The following PRR36 variants were observed in gnomAD, a reference collection of about 807,000 sequenced individuals.
PRR36 encodes the protein proline-rich protein 36.
A neutral mutation model predicts 58.6 loss-of-function variants in PRR36; 30 were observed. That is an observed-to-expected ratio of 0.51 (90% CI 0.38 to 0.69). The LOEUF (loss-of-function observed/expected upper bound fraction) is 0.69. Ranked by LOEUF, PRR36 falls within the 30% of genes least tolerant of loss-of-function variation. The probability of loss-of-function intolerance (pLI) is 0.00; values close to 1 mark genes in which losing one functional copy is unlikely to be tolerated. For synonymous variants in PRR36, 771 were observed against 829.3 expected (o/e 0.93, Z 1.21); for missense variants, 1,692 against 1,805.6 (o/e 0.94, Z 1.14).
At position 7,868,811 on chromosome 19, in the gene PRR36, G is replaced by A. The variant is rs946379440; in HGVS notation, c.*222C>T. Reference sequence around the variant, plus strand: ...GGGGCGGGACTCGGGGAAACGGGGCGTGTCCTAGGCCAAAGGGGCGGAGCT... The same window carrying A: ...GGGGCGGGACTCGGGGAAACGGGGCATGTCCTAGGCCAAAGGGGCGGAGCT... On this transcript the variant is annotated 3_prime_UTR_variant, in exon 6 of 6. Transcript: ENST00000618550. The A allele has an allele frequency of 2.0e-6, 1 of 493,754 alleles. No individual in the cohort carries two copies. The allele number at this position is 493,754 out of a possible 1,614,324, so 30.6% of individuals were successfully genotyped here.
Position 7,872,796 on chromosome 19 carries a change from T to C in PRR36, c.488-40A>G. On this transcript the variant is annotated intron_variant, in intron 4 of 5. Transcript: ENST00000618550. The surrounding 1 kb of genome is among the most constrained non-coding windows in gnomAD (Gnocchi z 6.1). ...GAAGGCCAAGGGTCACCGATACCTC[T>C]GAGGCGGCTCCCCTTGCTGCCCAGG... The C allele has an allele frequency of 6.5e-7, 1 of 1,527,452 alleles. No individual in the cohort carries two copies. The highest frequency in any genetic ancestry group is 8.8e-7 in the Non-Finnish European group (1 of 1,142,580). 94.6% of individuals were successfully genotyped at this position (1,527,452 alleles called of 1,614,324 possible). A position where few individuals can be genotyped will look rare whatever the true frequency, so the allele number is the denominator to read the frequency against.
chr19:7,869,780 G>A lies in PRR36; in HGVS notation c.3464C>T (p.Ala1155Val), dbSNP rs755681054. 105 of 1,359,442 alleles carry A rather than the reference G, an allele frequency of 7.7e-5. No individual in the cohort carries two copies. The highest frequency in any genetic ancestry group is 9.6e-5 in the Non-Finnish European group (102 of 1,062,806). 84.2% of individuals were successfully genotyped at this position (1,359,442 alleles called of 1,614,324 possible). Residue 1155 changes from alanine to valine, a missense_variant, in exon 5 of 6, where the codon GCC becomes GTC. Physicochemically the swap from Ala to Val is moderately conservative, Grantham distance 64. Coordinates refer to ENST00000618550, the MANE Select transcript of PRR36 (RefSeq NM_001190467.2). ...ACTCCAGGCAGCCGGGTGGCAAGCG[G>A]CGAGCTCTGCGTCGGGGGGCGGGGA... The part of the protein sequence containing the change: ...AASPPPDAEL[A>V]ACHPAAWSRG...
Position 7,870,515 on chromosome 19 carries a change from GA to G in PRR36, c.2728del (p.Ser910ArgfsTer12). 1.8e-6 allele frequency: 1 copy of G among 563,144 alleles called. No individual in the cohort carries two copies. Among genetic ancestry groups the G allele is most frequent in the Non-Finnish European group, 2.1e-6 (1 of 480,174 alleles). The allele number at this position is 563,144 out of a possible 1,614,324, so 34.9% of individuals were successfully genotyped here. On this transcript the variant is annotated frameshift_variant, in exon 5 of 6. Transcript: ENST00000618550. LOFTEE classifies it high-confidence loss of function. ...SPPASPPVSP[S>X]ATPPSQAPPS... ...TGGGGCCTGTGAAGGGGGCGTGGCC[GA>G]AGGAGACACTGGGGGTGAGGCAGGG... is the stretch of plus-strand genomic sequence containing the variant.
chr19:7,871,241 A>C lies in PRR36; in HGVS notation c.2003T>G (p.Leu668Arg). Residue 668 changes from leucine (L) to arginine (R), a missense_variant, in exon 5 of 6, where the codon CTG (leucine) becomes CGG (arginine). Leu to Arg is a moderately radical substitution (Grantham distance 102). Transcript: ENST00000618550. ...APLSLPASPP[L>R]QTSLSPAVSP... ...GACAGCAGGAGAGAGAGAAGTCTGC[A>C]GAGGGGGTGAGGCAGGAAGGGAAAG... 1 of 1,499,468 alleles carries C rather than the reference A, an allele frequency of 6.7e-7. No individual in the cohort carries two copies. The highest frequency in any genetic ancestry group is 8.8e-7 in the Non-Finnish European group (1 of 1,131,358). The allele number at this position is 1,499,468 out of a possible 1,614,324, so 92.9% of individuals were successfully genotyped here.
rs916807724 is a variant in PRR36 at position 7,872,384 on chromosome 19, G to C, written c.860C>G (p.Pro287Arg). The C allele has an allele frequency of 1.4e-6, 2 of 1,451,116 alleles. No homozygotes were observed. Among genetic ancestry groups the C allele is most frequent in the Non-Finnish European group, 1.8e-6 (2 of 1,107,984 alleles). The allele number at this position is 1,451,116 out of a possible 1,614,324, so 89.9% of individuals were successfully genotyped here. A position where few individuals can be genotyped will look rare whatever the true frequency, so the allele number is the denominator to read the frequency against. ...LQALRPPQVT[P>R]PRKDAAPALG... is the part of the protein sequence containing the mutation. ...TGCTGGGGCTGCGTCCTTCCTTGGG[G>C]GTGTGACCTGAGGGGGTCGCAGAGC... Residue 287 changes from proline (P) to arginine (R), a missense_variant, in exon 5 of 6, where the codon CCC becomes CGC. Transcript: ENST00000618550. This position sits in a 1 kb window ranked among gnomAD's most constrained non-coding sequence, Gnocchi z 6.1.
At position 7,871,926 on chromosome 19, in the gene PRR36, T is replaced by C; in HGVS notation, c.1318A>G (p.Asn440Asp). Residue 440 changes from asparagine (N) to aspartate (D), a missense_variant, in exon 5 of 6, where the codon AAT (asparagine) becomes GAT (aspartate). Coordinates refer to ENST00000618550, the MANE Select transcript of PRR36 (RefSeq NM_001190467.2). ...PLQSMPPTQA[N>D]PALPSLPTLL... The stretch of plus-strand genomic sequence containing the variant: ...GTCGGAAGAGAGGGCAACGCTGGAT[T>C]AGCTTGGGTGGGGGGCATACTCTGC... The C allele has an allele frequency of 6.5e-7, 1 of 1,535,272 alleles. No individual in the cohort carries two copies. The highest frequency in any genetic ancestry group is 8.7e-7 in the Non-Finnish European group (1 of 1,146,684).
Position 7,871,066 on chromosome 19 carries a change from A to G in PRR36, c.2178T>C (p.Pro726=), listed in dbSNP as rs1292269257. 4.6e-6 allele frequency: 7 copies of G among 1,517,306 alleles called. No homozygotes were observed. The highest frequency in any genetic ancestry group is 6.1e-6 in the Non-Finnish European group (7 of 1,138,440). 94.0% of individuals were successfully genotyped at this position (1,517,306 alleles called of 1,614,324 possible). A position where few individuals can be genotyped will look rare whatever the true frequency, so the allele number is the denominator to read the frequency against. The part of the protein sequence containing the change: ...SLAPPSLQTP[P]ASLTTPPLEN... ...CCAGAGGGGGTGTGGTCAGGGAAGCAGGAGGTGTCTGCAGAGAGGGTGGGG... is the reference window on the plus strand; with the variant it reads ...CCAGAGGGGGTGTGGTCAGGGAAGCGGGAGGTGTCTGCAGAGAGGGTGGGG... Residue 726 remains proline, a synonymous_variant, in exon 5 of 6, where the codon CCT becomes CCC. Transcript: ENST00000618550.
At position 7,873,055 on chromosome 19, in the gene PRR36, T is replaced by C. The variant is rs1388294590; in HGVS notation, c.375-94A>G. The C allele has an allele frequency of 7.5e-7, 1 of 1,330,848 alleles. No individual in the cohort carries two copies. Among genetic ancestry groups the C allele is most frequent in the Non-Finnish European group, 1.0e-6 (1 of 966,562 alleles). The allele number at this position is 1,330,848 out of a possible 1,614,324, so 82.4% of individuals were successfully genotyped here. A position where few individuals can be genotyped will look rare whatever the true frequency, so the allele number is the denominator to read the frequency against. On this transcript the variant is annotated intron_variant, in intron 3 of 5. Transcript: ENST00000618550. The surrounding 1 kb of genome is among the most constrained non-coding windows in gnomAD (Gnocchi z 5.0). Reference sequence around the variant, plus strand: ...CTGTGAAATGGGCATGTGCCCTCTCTGAGGACCAATAATGGCTTTCACCCA... The same window carrying C: ...CTGTGAAATGGGCATGTGCCCTCTCCGAGGACCAATAATGGCTTTCACCCA...
Position 7,870,927 on chromosome 19 carries a change from CAGAAG to C in PRR36, c.2312_2316del (p.Ala771GlyfsTer233). ...TCCAGATGGGGTGTGGTCAGGGGAGCAGAAGCTGTCTGCAGAGGAGGCGGGGCTAG... is the reference window on the plus strand; with the variant it reads ...TCCAGATGGGGTGTGGTCAGGGGAGCCTGTCTGCAGAGGAGGCGGGGCTAG... On this transcript the variant is annotated frameshift_variant, in exon 5 of 6. Coordinates refer to ENST00000618550, the MANE Select transcript of PRR36 (RefSeq NM_001190467.2). LOFTEE classifies it high-confidence loss of function. 16 of 1,387,378 alleles carry C rather than the reference CAGAAG, an allele frequency of 1.2e-5. No individual in the cohort carries two copies. The highest frequency in any genetic ancestry group is 6.2e-5 in the Admixed American group (2 of 32,354). 85.9% of individuals were successfully genotyped at this position (1,387,378 alleles called of 1,614,324 possible). A position where few individuals can be genotyped will look rare whatever the true frequency, so the allele number is the denominator to read the frequency against.
At position 7,870,828 on chromosome 19, in the gene PRR36, G is replaced by A. The variant is rs928522387; in HGVS notation, c.2416C>T (p.Pro806Ser). ...SPLTTPPPET[P>S]SSIATPPPQA... ...GGAGGAGGCGTGGCTATGGAAGAGG[G>A]CGTCTCCGGAGGGGGCGTGGTCAAT... Residue 806 changes from proline to serine, a missense_variant, in exon 5 of 6, where the codon CCC becomes TCC. Transcript: ENST00000618550. 2.1e-6 allele frequency: 3 copies of A among 1,446,418 alleles called. No individual in the cohort carries two copies. The highest frequency in any genetic ancestry group is 2.9e-5 in the African/African-American group (2 of 69,666). The allele number at this position is 1,446,418 out of a possible 1,614,324, so 89.6% of individuals were successfully genotyped here.
At position 7,871,919 on chromosome 19, in the gene PRR36, G is replaced by A. The variant is rs1184015689; in HGVS notation, c.1325C>T (p.Ala442Val). The part of the protein sequence containing the change: ...QSMPPTQANP[A>V]LPSLPTLLSP... ...GAGGAGAGTCGGAAGAGAGGGCAAC[G>A]CTGGATTAGCTTGGGTGGGGGGCAT... The change falls in exon 5 of 6, where the codon GCG (alanine) becomes GTG (valine). Residue 442 changes from alanine to valine, a missense_variant. Ala to Val is a moderately conservative substitution (Grantham distance 64). Around this residue, in one of 5 missense-constraint regions of PRR36, gnomAD observed 975 missense variants for 955.2 expected, o/e 1.02. Transcript: ENST00000618550. 2.0e-6 allele frequency: 3 copies of A among 1,535,916 alleles called. No individual in the cohort carries two copies. In the South Asian group the frequency reaches 3.6e-5, roughly 18 times the overall value.
chr19:7,872,976 G>A lies in PRR36; in HGVS notation c.375-15C>T, dbSNP rs1473295425. The A allele has an allele frequency of 2.6e-6, 4 of 1,528,428 alleles. No individual in the cohort carries two copies. The highest frequency in any genetic ancestry group is 1.4e-5 in the African/African-American group (1 of 72,788). The allele number at this position is 1,528,428 out of a possible 1,614,324, so 94.7% of individuals were successfully genotyped here. On this transcript the variant is annotated splice_polypyrimidine_tract_variant and intron_variant, in intron 3 of 5. Transcript: ENST00000618550. The surrounding 1 kb of genome is among the most constrained non-coding windows in gnomAD (Gnocchi z 6.1). Reference sequence around the variant, plus strand: ...GAGGGCCTGGCCTGGAGACAGAAGGGGCCACGCTCAGGCCTAGGTCTTTGT... The same window carrying A: ...GAGGGCCTGGCCTGGAGACAGAAGGAGCCACGCTCAGGCCTAGGTCTTTGT...
rs1443952882 is a variant in PRR36, at chr19:7,872,019, C to T, written c.1225G>A (p.Ala409Thr). Residue 409 changes from alanine to threonine, a missense_variant, in exon 5 of 6, where the codon GCA becomes ACA. By Grantham distance (58) the Ala-to-Thr change is moderately conservative (BLOSUM62 0). This residue lies in a region of PRR36 where 975 missense variants were observed against 955.2 expected (regional missense o/e 1.02). Coordinates refer to ENST00000618550, the MANE Select transcript of PRR36 (RefSeq NM_001190467.2). This position sits in a 1 kb window ranked among gnomAD's most constrained non-coding sequence, Gnocchi z 6.1. ...GCTGTGGCCAGGGAAGAGACGCCTG[C>T]TTCTGGAAAGGACATAATCAGCTGT... is the stretch of plus-strand genomic sequence containing the variant. ...PTQLIMSFPE[A>T]GVSSLATAAF... 2 of 1,534,496 alleles carry T rather than the reference C, an allele frequency of 1.3e-6. No homozygotes were observed. Among genetic ancestry groups the T allele is most frequent in the Non-Finnish European group, 1.7e-6 (2 of 1,146,564 alleles).
rs936105807 is a variant in PRR36 at position 7,869,411 on chromosome 19, C to G, written c.3663G>C (p.Thr1221=). 3 of 1,486,402 alleles carry G rather than the reference C, an allele frequency of 2.0e-6. No individual in the cohort carries two copies. The highest frequency in any genetic ancestry group is 2.7e-6 in the Non-Finnish European group (3 of 1,126,666). The allele number at this position is 1,486,402 out of a possible 1,614,324, so 92.1% of individuals were successfully genotyped here. The change falls in exon 6 of 6, where the codon ACG becomes ACC. Residue 1221 remains threonine (T), a synonymous_variant. Transcript: ENST00000618550. ...CCCCAGCCGCCGCCTTCCCACCGCT[C>G]GTGCCGGGACTGGGCCCCGGATCCA... is the stretch of plus-strand genomic sequence containing the variant. ...GALDPGPSPG[T]SGGKAAAGAG...
rs1271687141 is a variant in PRR36 at position 7,873,284 on chromosome 19, G to T, written c.287C>A (p.Ala96Asp). The change falls in exon 3 of 6, where the codon GCC becomes GAC. Residue 96 changes from alanine to aspartate, a missense_variant. Physicochemically the swap from Ala to Asp is moderately radical, Grantham distance 126 (BLOSUM62 -2). Transcript: ENST00000618550. The surrounding 1 kb of genome is among the most constrained non-coding windows in gnomAD (Gnocchi z 5.0). ...SSRNPASRPP[A>D]SGRGERAPPA... ...AGGAGCTCTCTCCCCTCTCCCAGAG[G>T]CTGGGGGCCTGGAGGCTGCGGGGAG... 1.3e-6 allele frequency: 2 copies of T among 1,535,356 alleles called. No homozygotes were observed. The highest frequency in any genetic ancestry group is 2.0e-5 in the Admixed American group (1 of 50,870).
chr19:7,870,572 G>GCA lies in PRR36; in HGVS notation c.2671_2672insTG (p.Pro891LeufsTer32). 1 of 1,230,384 alleles carries GCA rather than the reference G, an allele frequency of 8.1e-7. No homozygotes were observed. The highest frequency in any genetic ancestry group is 3.4e-5 in the East Asian group (1 of 29,762). The allele number at this position is 1,230,384 out of a possible 1,614,324, so 76.2% of individuals were successfully genotyped here. A position where few individuals can be genotyped will look rare whatever the true frequency, so the allele number is the denominator to read the frequency against. ...GAAAGGGGCCTGCACTGGGGGTGAG[G>GCA]GAGGGGGAGAGAAAGGGGCCTGCAG... On this transcript the variant is annotated frameshift_variant, in exon 5 of 6. Coordinates refer to ENST00000618550, the MANE Select transcript of PRR36 (RefSeq NM_001190467.2). LOFTEE classifies it high-confidence loss of function.
chr19:7,870,627 G>C lies in PRR36; in HGVS notation c.2617C>G (p.Gln873Glu). 1 of 1,359,514 alleles carries C rather than the reference G, an allele frequency of 7.4e-7. No homozygotes were observed. Among genetic ancestry groups the C allele is most frequent in the Non-Finnish European group, 9.4e-7 (1 of 1,060,790 alleles). The allele number at this position is 1,359,514 out of a possible 1,614,324, so 84.2% of individuals were successfully genotyped here. A position where few individuals can be genotyped will look rare whatever the true frequency, so the allele number is the denominator to read the frequency against. ...PLSPLATPSP[Q>E]APNALAVHLL... ...TGCACTGCCAGAGCATTTGGGGCCT[G>C]TGGAGAGGGTGTGGCCAAAGGAGAC... The change falls in exon 5 of 6, where the codon CAG becomes GAG. Residue 873 changes from glutamine (Q) to glutamate (E), a missense_variant. Coordinates refer to ENST00000618550, the MANE Select transcript of PRR36 (RefSeq NM_001190467.2).
At position 7,869,374 on chromosome 19, in the gene PRR36, C is replaced by T. The variant is rs538459941; in HGVS notation, c.3700G>A (p.Ala1234Thr). ...GKAAAGAGAG[A>T]SSRSPKQARL... ...GCCTGCTTCGGGCTCCGCGAGGACG[C>T]CCCGGCCCCGGCCCCAGCCGCCGCC... Residue 1234 changes from alanine to threonine, a missense_variant, in exon 6 of 6, where the codon GCG becomes ACG. Coordinates refer to ENST00000618550, the MANE Select transcript of PRR36 (RefSeq NM_001190467.2). 3,896 of 1,454,400 alleles carry T rather than the reference C, an allele frequency of 2.7e-3. 10 individuals carry two copies. The highest frequency in any genetic ancestry group is 3.3e-3 in the Non-Finnish European group (3,633 of 1,113,068). The allele number at this position is 1,454,400 out of a possible 1,614,324, so 90.1% of individuals were successfully genotyped here. A position where few individuals can be genotyped will look rare whatever the true frequency, so the allele number is the denominator to read the frequency against.
In PRR36 at chr19:7,874,183, C is replaced by A. The variant is rs1980598073; in HGVS notation, c.-8+103G>T. 6.5e-6 allele frequency: 1 copy of A among 154,336 alleles called. No homozygotes were observed. Among genetic ancestry groups the A allele is most frequent in the African/African-American group, 2.4e-5 (1 of 41,536 alleles). 9.6% of individuals were successfully genotyped at this position (154,336 alleles called of 1,614,324 possible). On this transcript the variant is annotated intron_variant, in intron 1 of 5. Transcript: ENST00000618550. The surrounding 1 kb of genome is among the most constrained non-coding windows in gnomAD (Gnocchi z 6.0). ...GGAGGCAGAGCGGCCCCGCTGCCCG[C>A]GAACGGGCTCCGGGAGACAAAGAGC...
Sources: gnomAD v4.1 joint callset for allele counts on GRCh38, gnomAD v4.1.1 for gene constraint, gnomAD v4.1.1 regional missense constraint, Gnocchi (gnomAD v3.1) non-coding constraint, MANE v1.5 for transcripts, NCBI Gene and HGNC (gene_info 2026-07-23, HGNC 2026-07-21) for gene names.